Variants in PRKCE observed in about 807,000 individuals in gnomAD.
PRKCE encodes protein kinase C epsilon.
PRKCE carries 16 observed loss-of-function variants against 85.4 expected under a neutral mutation model. The ratio of observed to expected loss-of-function variants is 0.19; its 90% CI spans 0.13 to 0.28. PRKCE has a LOEUF of 0.28. PRKCE is among the 10% of genes least tolerant of loss of function. The pLI is 1.00. For missense variants in PRKCE, 573 were observed against 975.2 expected (o/e 0.59, Z 5.49); for synonymous variants, 388 against 371.5 (o/e 1.04, Z -0.51).
At chr2:45,742,060 A>G (rs1003376506) in intron 1 of PRKCE, among the ~76,000 whole-genome samples, 10 of 152,274 alleles carry the variant, frequency 6.6e-5, no homozygotes, top group Non-Finnish European at 1.3e-4. Context: ...AATTTCTCGG[A>G]TATCACACGA....
intron 1 of PRKCE, among the ~76,000 whole-genome samples, chr2:45,686,086 C>T (rs945019658): frequency 6.6e-6 from 1 of 152,078 alleles, no homozygotes; most frequent in Non-Finnish European, 1.5e-5. Context: ...ATAAAACGCA[C>T]AGCTGATCCT....
intron 2 of PRKCE, among the ~76,000 whole-genome samples, chr2:45,915,039 C>A (rs566357790): frequency 6.6e-6 from 1 of 152,194 alleles, no homozygotes; most frequent in East Asian, 1.9e-4. Flanking sequence ...TGGGTTCAAG[C>A]GAGCACCTCC....
At chr2:45,760,731 C>T (rs187161377) in intron 1 of PRKCE, among the ~76,000 whole-genome samples, 44 of 152,242 alleles carry the variant, frequency 2.9e-4, no homozygotes, top group Admixed American at 2.4e-3. Flanking sequence ...GGGGAAAGCT[C>T]GTTGGCCTTG....
At chr2:45,921,682 A>C (rs548320184) in intron 2 of PRKCE, among the ~76,000 whole-genome samples, 1 of 152,210 alleles carries the variant, frequency 6.6e-6, no homozygotes, top group Admixed American at 6.5e-5. Context: ...CAGTGTTCTG[A>C]TCTACCATGA....
chr2:45,809,412 A>C (rs1426453434), intron 1 of PRKCE, among the ~76,000 whole-genome samples: 1 of 152,218 alleles, frequency 6.6e-6, no homozygotes, highest in Non-Finnish European at 1.5e-5. Context: ...CTGATTAATG[A>C]TGTCTGCCAA....
intron 13 of PRKCE, among the ~76,000 whole-genome samples, chr2:46,151,778 A>G (rs61759988): frequency 0.041 from 6,266 of 152,326 alleles, 162 homozygotes; most frequent in Middle Eastern, 0.085. Flanking sequence ...TTAGATACAT[A>G]ATACAGAGAC....
At chr2:45,756,856 G>A (rs1684045313) in intron 1 of PRKCE, among the ~76,000 whole-genome samples, 1 of 152,184 alleles carries the variant, frequency 6.6e-6, no homozygotes. Flanking sequence ...TAAACTCTAT[G>A]AGGAAACTTT....
chr2:46,096,431 CA>C (rs1670685923), intron 11 of PRKCE, among the ~76,000 whole-genome samples: 1 of 152,146 alleles, frequency 6.6e-6, no homozygotes, highest in Non-Finnish European at 1.5e-5. Context: ...CTCCAATCCC[CA>C]GTACCACAGA....
intron 2 of PRKCE, chr2:45,851,677 C>T (rs575241253): frequency 6.6e-6 from 1 of 152,302 alleles, no homozygotes; most frequent in South Asian, 2.1e-4. Context: ...TGTGACCATT[C>T]CCATTCACAG....
At chr2:46,146,115 GTTGT>G in intron 12 of PRKCE, among the ~76,000 whole-genome samples, 1 of 152,202 alleles carries the variant, frequency 6.6e-6, no homozygotes, top group Non-Finnish European at 1.5e-5. Flanking sequence ...TTTCCTGAAA[GTTGT>G]TTGGGATGTT....
Position 46,186,427 on chromosome 2 carries a change from G to T in PRKCE, c.*1546G>T, listed in dbSNP as rs1680453516. 6.6e-6 allele frequency: 1 copy of T among 152,520 alleles called. No homozygotes were observed. The highest frequency in any genetic ancestry group is 6.5e-5 in the Admixed American group (1 of 15,274). 9.4% of individuals were successfully genotyped at this position (152,520 alleles called of 1,614,324 possible). Reference sequence around the variant, plus strand: ...GCAAGGCCTGTGGAATTAATTCGTTGCATATAGAGGTATCAACTGCTGCAT... The same window carrying T: ...GCAAGGCCTGTGGAATTAATTCGTTTCATATAGAGGTATCAACTGCTGCAT... On this transcript the variant is annotated 3_prime_UTR_variant, in exon 15 of 15. Transcript: ENST00000306156.
chr2:45,653,460 T>C (rs1264343399), intron 1 of PRKCE, among the ~76,000 whole-genome samples: 1 of 145,430 alleles, frequency 6.9e-6, no homozygotes, highest in African/African-American at 2.5e-5. Flanking sequence ...GTTTGTTACA[T>C]GTTTCCAGCA....
At chr2:45,940,967 G>A (rs956780606) in intron 2 of PRKCE, among the ~76,000 whole-genome samples, 13 of 151,214 alleles carry the variant, frequency 8.6e-5, no homozygotes, top group African/African-American at 2.2e-4. Context: ...TTGGGAGGCT[G>A]AGGCAGGAGA....
chr2:45,687,828 C>T (rs185156525), intron 1 of PRKCE, among the ~76,000 whole-genome samples: 10 of 152,308 alleles, frequency 6.6e-5, no homozygotes, highest in East Asian at 1.9e-4. Flanking sequence ...AAGGTAGTTG[C>T]GCTGTGCTTT....
chr2:45,794,356 C>T lies in PRKCE; in HGVS notation c.349-48644C>T, dbSNP rs941880986. On this transcript the variant is annotated intron_variant, in intron 1 of 14. Transcript: ENST00000306156. The stretch of plus-strand genomic sequence containing the variant: ...CGTTTCCTTCGAATAATGAATTATT[C>T]AGGGAGGGATTTTTGTTTTTGAAAA... Among the ~76,000 whole-genome samples, 29 of 152,092 alleles carry T rather than the reference C, an allele frequency of 1.9e-4. 1 individual carries two copies. The highest frequency in any genetic ancestry group is 4.4e-5 in the Non-Finnish European group (3 of 68,018).
chr2:45,730,198 G>A (rs1681446560), intron 1 of PRKCE, among the ~76,000 whole-genome samples: 1 of 152,200 alleles, frequency 6.6e-6, no homozygotes, highest in Admixed American at 6.6e-5. Flanking sequence ...GTTCCGCTCT[G>A]TCACCCAGAC....
At chr2:45,986,846 G>A (rs138633563) in intron 6 of PRKCE, among the ~76,000 whole-genome samples, 1 of 152,050 alleles carries the variant, frequency 6.6e-6, no homozygotes, top group South Asian at 2.1e-4. Context: ...TCTAGTGTGT[G>A]ACCCTGAACA....
At chr2:46,182,234 C>A (rs958121505) in intron 14 of PRKCE, among the ~76,000 whole-genome samples, 1 of 152,172 alleles carries the variant, frequency 6.6e-6, no homozygotes, top group African/African-American at 2.4e-5. Context: ...GGCCCATAGC[C>A]TGCAATCCTC....
intron 10 of PRKCE, among the ~76,000 whole-genome samples, chr2:46,032,062 A>G (rs1375034243): frequency 2.6e-5 from 4 of 152,212 alleles, no homozygotes; most frequent in African/African-American, 9.7e-5. Flanking sequence ...CGCAGTGGAA[A>G]TAATACTTCC....
Sources: allele counts gnomAD v4.1 joint callset (sites outside exome capture counted in the v4.1 genomes callset), GRCh38; gene constraint gnomAD v4.1.1; transcripts MANE v1.5; gene names NCBI Gene and HGNC (gene_info 2026-07-23, HGNC 2026-07-21).